Variants in TRIM24 observed in about 807,000 individuals in gnomAD.
TRIM24 encodes tripartite motif containing 24.
TRIM24 carries 29 observed loss-of-function variants against 123.9 expected under a neutral mutation model. The observed-to-expected ratio is 0.23, with a 90% confidence interval of 0.17 to 0.32. The LOEUF (loss-of-function observed/expected upper bound fraction) is 0.32. TRIM24 is among the 10% of genes least tolerant of loss of function. TRIM24 has a pLI of 1.00. For missense variants in TRIM24, 932 were observed against 1,295.3 expected, an observed-to-expected ratio of 0.72 and a Z score of 4.31; for synonymous variants, 456 against 461.1, an observed-to-expected ratio of 0.99 and a Z score of 0.14.
rs764777843 is a variant in TRIM24, at chr7:138,573,621, G to A, written c.1993G>A (p.Val665Met). The A allele has an allele frequency of 1.2e-6, 2 of 1,613,052 alleles. No homozygotes were observed. The highest frequency in any genetic ancestry group is 1.7e-6 in the Non-Finnish European group (2 of 1,179,708). Residue 665 changes from valine (V) to methionine (M), a missense_variant, in exon 12 of 19, where the codon GTG (valine) becomes ATG (methionine). By Grantham distance (21) the Val-to-Met change is conservative. Coordinates refer to ENST00000343526, the MANE Select transcript of TRIM24 (RefSeq NM_015905.3). ...NRTVQSPNSS[V>M]PSPGLAGPVT... ...AACGGTCCAGTCACCAAATTCATCAGTGCCATCTCCAGGCCTTGCAGGTAA... is the reference window on the plus strand; with the variant it reads ...AACGGTCCAGTCACCAAATTCATCAATGCCATCTCCAGGCCTTGCAGGTAA...
At chr7:138,508,868 G>GACCA (rs1346344872) in intron 2 of TRIM24, among the ~76,000 whole-genome samples, 1 of 151,990 alleles carries the variant, frequency 6.6e-6, no homozygotes, top group Non-Finnish European at 1.5e-5. Flanking sequence ...AATATTTGGA[G>GACCA]ACCACAGTAT....
At chr7:138,495,321 G>C (rs1009895776) in intron 1 of TRIM24, among the ~76,000 whole-genome samples, 1 of 152,068 alleles carries the variant, frequency 6.6e-6, no homozygotes, top group Non-Finnish European at 1.5e-5. Context: ...AAAATGTATC[G>C]AATTGGCAAC....
intron 1 of TRIM24, among the ~76,000 whole-genome samples, chr7:138,479,232 A>G (rs1380425969): frequency 1.3e-5 from 2 of 152,214 alleles, no homozygotes; most frequent in Non-Finnish European, 2.9e-5. Context: ...TACAATTAAC[A>G]TATTAAGTGA....
rs1798038932 is a variant in TRIM24 at position 138,587,394 on chromosome 7, T to G, written c.*2443T>G. The G allele has an allele frequency of 6.6e-6, 1 of 152,174 alleles. No individual in the cohort carries two copies. The highest frequency in any genetic ancestry group is 1.5e-5 in the Non-Finnish European group (1 of 68,042). The allele number at this position is 152,174 out of a possible 1,614,324, so 9.4% of individuals were successfully genotyped here. On this transcript the variant is annotated 3_prime_UTR_variant, in exon 19 of 19. Transcript: ENST00000343526. ...TTGGGTTTCTCTCTGTAAATAGCCT[T>G]TGTGTAATGGTCTTTAGATTAATAT...
intron 2 of TRIM24, chr7:138,514,826 G>A: frequency 6.1e-6 from 1 of 162,806 alleles, no homozygotes; most frequent in Non-Finnish European, 1.3e-5. Context: ...TGTGTAACCT[G>A]CCCAAGACCA....
intron 5 of TRIM24, among the ~76,000 whole-genome samples, chr7:138,526,012 G>A (rs1796600313): frequency 1.3e-5 from 2 of 152,090 alleles, no homozygotes; most frequent in Admixed American, 1.3e-4. Flanking sequence ...TCCCATTTAG[G>A]GCACATACTG....
intron 7 of TRIM24, among the ~76,000 whole-genome samples, chr7:138,550,317 TG>T (rs1340582510): frequency 1.7e-5 from 2 of 115,202 alleles, no homozygotes; most frequent in East Asian, 6.1e-4. Flanking sequence ...GAGGAGTTGA[TG>T]GTGTGTGTGT....
rs1797990883 is a variant in TRIM24, at chr7:138,585,262, C to G, written c.*311C>G. 1 of 276,462 alleles carries G rather than the reference C, an allele frequency of 3.6e-6. No individual in the cohort carries two copies. The allele number at this position is 276,462 out of a possible 1,614,324, so 17.1% of individuals were successfully genotyped here. On this transcript the variant is annotated 3_prime_UTR_variant, in exon 19 of 19. Transcript: ENST00000343526. ...TCCCACTTCTTGGATTTTTAAACCA[C>G]AGTCTGGAGTGATAGCTACTGTAGA...
Position 138,555,892 on chromosome 7 carries a change from C to A in TRIM24, c.1530+926C>A, listed in dbSNP as rs118072290. Among the ~76,000 whole-genome samples the A allele has an allele frequency of 8.2e-3, 1,249 of 152,286 alleles. 18 individuals are homozygous for A. Among genetic ancestry groups the A allele is most frequent in the South Asian group, 0.046 (224 of 4,826 alleles). On this transcript the variant is annotated intron_variant, in intron 9 of 18. Transcript: ENST00000343526. ...GGAAATCACCTTACATCTTACCAGA[C>A]CATAAGCATCTTCATGGCATGGTCG... is the stretch of plus-strand genomic sequence containing the variant.
chr7:138,521,944 C>G (rs1471540690), intron 4 of TRIM24, among the ~76,000 whole-genome samples: 3 of 152,114 alleles, frequency 2.0e-5, no homozygotes, highest in African/African-American at 7.2e-5. Context: ...TCCATAGTCA[C>G]AGTGGAAAAT....
chr7:138,476,672 G>C (rs567765660), intron 1 of TRIM24, among the ~76,000 whole-genome samples: 1 of 151,978 alleles, frequency 6.6e-6, no homozygotes, highest in African/African-American at 2.4e-5. Context: ...GTGAAACTGA[G>C]GAAAGGAAGA....
In TRIM24 at chr7:138,554,842, G is replaced by C. The variant is rs1444793891; in HGVS notation, c.1406G>C (p.Arg469Pro). The change falls in exon 9 of 19, where the codon CGG becomes CCG. Residue 469 changes from arginine to proline, a missense_variant. Arg to Pro is a moderately radical substitution (Grantham distance 103). This residue lies in a region of TRIM24 where 527 missense variants were observed against 691.3 expected (regional missense o/e 0.76). Coordinates refer to ENST00000343526, the MANE Select transcript of TRIM24 (RefSeq NM_015905.3). The surrounding 1 kb of genome is among the most constrained non-coding windows in gnomAD (Gnocchi z 4.5). The part of the protein sequence containing the change: ...FPTQISLAQL[R>P]LQHMQQQVMA... Reference sequence around the variant, plus strand: ...ACACAGATCAGCCTAGCTCAATTACGGCTCCAGCATATGCAGCAACAGGTA... The same window carrying C: ...ACACAGATCAGCCTAGCTCAATTACCGCTCCAGCATATGCAGCAACAGGTA... The C allele has an allele frequency of 6.2e-7, 1 of 1,614,104 alleles. No individual in the cohort carries two copies. Among genetic ancestry groups the C allele is most frequent in the East Asian group, 2.2e-5 (1 of 44,878 alleles).
At position 138,460,597 on chromosome 7, in the gene TRIM24, G is replaced by C. The variant is rs987004538; in HGVS notation, c.49G>C (p.Ala17Pro). 3 of 1,341,798 alleles carry C rather than the reference G, an allele frequency of 2.2e-6. No homozygotes were observed. The highest frequency in any genetic ancestry group is 2.7e-4 in the Middle Eastern group (1 of 3,732). 83.1% of individuals were successfully genotyped at this position (1,341,798 alleles called of 1,614,324 possible). A position where few individuals can be genotyped will look rare whatever the true frequency, so the allele number is the denominator to read the frequency against. The change falls in exon 1 of 19, where the codon GCT becomes CCT. Residue 17 changes from alanine to proline, a missense_variant. Physicochemically the swap from Ala to Pro is conservative, Grantham distance 27. Transcript: ENST00000343526. Reference sequence around the variant, plus strand: ...GGTGGCGGCGGCGGCAGCGGCCTCGGCTGCGGCCTCCGGGGGGCCCTCGGC... The same window carrying C: ...GGTGGCGGCGGCGGCAGCGGCCTCGCCTGCGGCCTCCGGGGGGCCCTCGGC... Reference protein sequence around the residue: ...KAVAAAAAASAAASGGPSAAP... With the variant: ...KAVAAAAAASPAASGGPSAAP...
chr7:138,514,796 C>A, intron 2 of TRIM24: 1 of 155,334 alleles, frequency 6.4e-6, no homozygotes, highest in Non-Finnish European at 1.4e-5. Flanking sequence ...TTATTACCCT[C>A]ATATTAAAGA....
At chr7:138,556,037 C>T (rs946138337) in intron 9 of TRIM24, among the ~76,000 whole-genome samples, 1 of 152,052 alleles carries the variant, frequency 6.6e-6, no homozygotes, top group African/African-American at 2.4e-5. Context: ...TTTATTCTCC[C>T]TTAAGGACCA....
chr7:138,577,302 A>T, intron 13 of TRIM24, 118 bp from the exon 14 acceptor site: 1 of 732,404 alleles, frequency 1.4e-6, no homozygotes, highest in East Asian at 3.0e-5. Flanking sequence ...TTAATTGCTG[A>T]TGTTAACATA....
At chr7:138,465,814 A>C (rs553221332) in intron 1 of TRIM24, among the ~76,000 whole-genome samples, 1 of 152,282 alleles carries the variant, frequency 6.6e-6, no homozygotes, top group East Asian at 1.9e-4. Flanking sequence ...ATAAAACTTA[A>C]AGGTATTTGT....
chr7:138,471,069 G>T (rs768982222), intron 1 of TRIM24, among the ~76,000 whole-genome samples: 1 of 152,198 alleles, frequency 6.6e-6, no homozygotes, highest in Non-Finnish European at 1.5e-5. Context: ...CTAACAAGAA[G>T]TGGGCCTAAA....
At chr7:138,522,036 GAGAAATCAC>G (rs72272749) in intron 4 of TRIM24, among the ~76,000 whole-genome samples, 3,235 of 152,226 alleles carry the variant, frequency 0.021, 93 homozygotes, top group African/African-American at 0.071. Flanking sequence ...TCGGGAAACT[GAGAAATCAC>G]AGGTGGGAGG....
Sources: allele counts gnomAD v4.1 joint callset (sites outside exome capture counted in the v4.1 genomes callset), GRCh38; gene constraint gnomAD v4.1.1; regional missense constraint gnomAD v4.1.1; non-coding constraint Gnocchi (gnomAD v3.1); transcripts MANE v1.5; gene names NCBI Gene and HGNC (gene_info 2026-07-23, HGNC 2026-07-21).